Variants in PICALM observed in about 807,000 individuals in gnomAD.
PICALM encodes the protein phosphatidylinositol binding clathrin assembly protein.
In PICALM, 40 loss-of-function variants were observed where a neutral mutation model predicts 80.5. That is an observed-to-expected ratio of 0.50 (90% CI 0.39 to 0.65). PICALM has a LOEUF of 0.65. Ranked by LOEUF, PICALM falls within the 30% of genes least tolerant of loss-of-function variation. The pLI is 0.00. For synonymous variants in PICALM, 288 were observed against 260.3 expected (o/e 1.11, Z -1.02); for missense variants, 676 against 778.9 (o/e 0.87, Z 1.57).
At chr11:86,034,818 G>T (rs752169286) in intron 1 of PICALM, among the ~76,000 whole-genome samples, 1 of 152,152 alleles carries the variant, frequency 6.6e-6, no homozygotes, top group Non-Finnish European at 1.5e-5. Flanking sequence ...GAAAGCAGAA[G>T]GAACCAATAC....
chr11:86,060,226 CA>C (rs2096338044), intron 1 of PICALM, among the ~76,000 whole-genome samples: 1 of 152,122 alleles, frequency 6.6e-6, no homozygotes, highest in Non-Finnish European at 1.5e-5. Flanking sequence ...TTTTTAGTCT[CA>C]GAACCTTCAC....
intron 1 of PICALM, among the ~76,000 whole-genome samples, chr11:86,043,073 C>A (rs1374025678): frequency 1.3e-5 from 2 of 152,150 alleles, no homozygotes; most frequent in Admixed American, 1.3e-4. Flanking sequence ...AGATAGCACA[C>A]CCTTTCACTC....
At chr11:85,982,172 T>TA in intron 14 of PICALM, 169 bp from the exon 15 acceptor site, 1 of 590,300 alleles carries the variant, frequency 1.7e-6, no homozygotes, top group East Asian at 2.9e-5. Flanking sequence ...CACCACTTCA[T>TA]ACTGAATTGA....
intron 1 of PICALM, among the ~76,000 whole-genome samples, chr11:86,039,082 G>C (rs1216076232): frequency 1.3e-5 from 2 of 148,348 alleles, no homozygotes; most frequent in African/African-American, 5.0e-5. Context: ...CTGCACTCTT[G>C]TCTGGGCAAC....
intron 17 of PICALM, among the ~76,000 whole-genome samples, chr11:85,977,600 C>G (rs1257165483): frequency 6.6e-6 from 1 of 152,016 alleles, no homozygotes; most frequent in Admixed American, 6.5e-5. Context: ...AAAAAAATAA[C>G]ACTAAAGTGA....
chr11:86,036,668 T>C (rs919191545), intron 1 of PICALM, among the ~76,000 whole-genome samples: 2 of 152,132 alleles, frequency 1.3e-5, no homozygotes, highest in Non-Finnish European at 2.9e-5. Flanking sequence ...CAAATGACAC[T>C]ACAGTCTGAC....
intron 19 of PICALM, chr11:85,960,548 AGAG>A (rs920659276): frequency 3.7e-4 from 142 of 388,102 alleles, no homozygotes; most frequent in Middle Eastern, 5.3e-4. Flanking sequence ...GAATAGAGGA[AGAG>A]GAGGAGGAGG....
intron 1 of PICALM, among the ~76,000 whole-genome samples, chr11:86,037,174 G>A (rs552172205): frequency 7.9e-4 from 118 of 149,062 alleles, no homozygotes; most frequent in Non-Finnish European, 1.5e-3. Flanking sequence ...TCAATCTCTT[G>A]ATCTCGTGAT....
At chr11:86,006,180 T>C (rs749273504) in intron 8 of PICALM, among the ~76,000 whole-genome samples, 1 of 152,252 alleles carries the variant, frequency 6.6e-6, no homozygotes, top group Non-Finnish European at 1.5e-5. Flanking sequence ...CCCAGAATCA[T>C]GTGCTTGCTC....
At position 85,981,115 on chromosome 11, in the gene PICALM, CT is replaced by C; in HGVS notation, c.1779+13del. On this transcript the variant is annotated intron_variant, in intron 17 of 19. Coordinates refer to ENST00000393346, the MANE Select transcript of PICALM (RefSeq NM_007166.4). The stretch of plus-strand genomic sequence containing the variant: ...TATTCAACTGTTAGTCTATCAGGAG[CT>C]TTTTCAACTCACCATTGTTGCAGCA... The C allele has an allele frequency of 7.6e-7, 1 of 1,310,766 alleles. No individual in the cohort carries two copies. Among genetic ancestry groups the C allele is most frequent in the Non-Finnish European group, 1.1e-6 (1 of 906,726 alleles). The allele number at this position is 1,310,766 out of a possible 1,614,324, so 81.2% of individuals were successfully genotyped here.
At chr11:85,976,162 T>A (rs992505895) in intron 18 of PICALM, among the ~76,000 whole-genome samples, 4 of 152,202 alleles carry the variant, frequency 2.6e-5, no homozygotes, top group Non-Finnish European at 4.4e-5. Flanking sequence ...ATGCACATTG[T>A]GGCATTTTGA....
At chr11:86,055,757 T>G (rs1593423128) in intron 1 of PICALM, among the ~76,000 whole-genome samples, 1 of 152,336 alleles carries the variant, frequency 6.6e-6, no homozygotes, top group East Asian at 1.9e-4. Context: ...CTAAAATTTC[T>G]TCCTAAAACT....
chr11:86,022,624 CTAAT>C (rs1252871946), intron 3 of PICALM, among the ~76,000 whole-genome samples, 155 bp from the exon 4 acceptor site: 1 of 151,936 alleles, frequency 6.6e-6, no homozygotes, highest in Non-Finnish European at 1.5e-5. Flanking sequence ...AATTAAGTAA[CTAAT>C]TAATAACATT....
intron 12 of PICALM, among the ~76,000 whole-genome samples, chr11:85,993,155 A>G (rs1300062188): frequency 1.3e-5 from 2 of 150,994 alleles, no homozygotes; most frequent in African/African-American, 4.9e-5. Context: ...GCATAATCAT[A>G]GCTTACTGCA....
intron 4 of PICALM, among the ~76,000 whole-genome samples, chr11:86,020,094 T>C (rs913650498): frequency 1.3e-5 from 2 of 152,184 alleles, no homozygotes; most frequent in African/African-American, 4.8e-5. Flanking sequence ...GCACTGACTA[T>C]ATCATTCATG....
At chr11:86,046,171 A>C (rs1174880216) in intron 1 of PICALM, among the ~76,000 whole-genome samples, 1 of 152,222 alleles carries the variant, frequency 6.6e-6, no homozygotes, top group Non-Finnish European at 1.5e-5. Context: ...GATAATGAAG[A>C]TTTTAATTTG....
chr11:86,042,414 A>T (rs547659500), intron 1 of PICALM, among the ~76,000 whole-genome samples: 1 of 152,220 alleles, frequency 6.6e-6, no homozygotes, highest in Admixed American at 6.5e-5. Context: ...TTATTTAAAC[A>T]ATAAGAAAAC....
intron 4 of PICALM, among the ~76,000 whole-genome samples, chr11:86,018,448 C>T (rs1019358469): frequency 6.6e-6 from 1 of 152,000 alleles, no homozygotes; most frequent in Non-Finnish European, 1.5e-5. Context: ...ATCTCAATGA[C>T]TCATCAATTT....
At chr11:86,048,900 G>A (rs928742900) in intron 1 of PICALM, among the ~76,000 whole-genome samples, 5 of 151,074 alleles carry the variant, frequency 3.3e-5, no homozygotes, top group African/African-American at 9.7e-5. Context: ...TCATTAAACA[G>A]CTGGTTTTAC....
Sources: allele counts gnomAD v4.1 joint callset (sites outside exome capture counted in the v4.1 genomes callset), GRCh38; gene constraint gnomAD v4.1.1; transcripts MANE v1.5; gene names NCBI Gene and HGNC (gene_info 2026-07-23, HGNC 2026-07-21).